The following CNTNAP2 variants were observed in gnomAD, a reference collection of about 807,000 sequenced individuals.
CNTNAP2 encodes the protein contactin associated protein 2.
A neutral mutation model predicts 155.2 loss-of-function variants in CNTNAP2; 98 were observed. That is an observed-to-expected ratio of 0.63 (90% CI 0.54 to 0.75). The LOEUF (loss-of-function observed/expected upper bound fraction) is 0.75, where lower values mean the gene tolerates loss of function less well. Among genes scored for constraint, CNTNAP2 ranks in the 30% least tolerant of loss-of-function variants. The pLI, the probability that CNTNAP2 is intolerant of heterozygous loss-of-function variation, is 0.00. For synonymous variants in CNTNAP2, 651 were observed against 631.2 expected (o/e 1.03, Z -0.47); for missense variants, 1,727 against 1,688.1 (o/e 1.02, Z -0.40).
intron 12 of CNTNAP2, among the ~76,000 whole-genome samples, chr7:147,608,932 G>C (rs1333924719): frequency 6.6e-6 from 1 of 152,100 alleles, no homozygotes; most frequent in Non-Finnish European, 1.5e-5. Context: ...CTCAGTCGGG[G>C]AGCTTCTGAG....
At chr7:147,739,113 C>T (rs993317908) in intron 13 of CNTNAP2, among the ~76,000 whole-genome samples, 4 of 10,610 alleles carry the variant, frequency 3.8e-4, no homozygotes, top group Non-Finnish European at 9.0e-4. Flanking sequence ...AGCTATTAAT[C>T]TCCTGCAAGT....
intron 13 of CNTNAP2, among the ~76,000 whole-genome samples, chr7:147,880,126 G>T (rs1462600833): frequency 6.6e-6 from 1 of 152,240 alleles, no homozygotes; most frequent in Non-Finnish European, 1.5e-5. Context: ...TCTTTGAGAA[G>T]TGGTCAGAAT....
At position 146,780,263 on chromosome 7, in the gene CNTNAP2, GCAAGCT is replaced by G. The variant is rs1446686740; in HGVS notation, c.208+5884_208+5889del. On this transcript the variant is annotated intron_variant, in intron 2 of 23. Coordinates refer to ENST00000361727, the MANE Select transcript of CNTNAP2 (RefSeq NM_014141.6). The stretch of plus-strand genomic sequence containing the variant: ...TGCAGTGGTGCGATCTCGGCTCACT[GCAAGCT>G]CTGCCTCCGAGGTTCATGCCATTCT... 4.0e-5 allele frequency among the ~76,000 whole-genome samples: 6 copies of G among 151,874 alleles called. No homozygotes were observed. The South Asian group carries it at 1.2e-3, about 32-fold the overall frequency.
intron 1 of CNTNAP2, among the ~76,000 whole-genome samples, chr7:146,258,908 A>T (rs1301737787): frequency 2.0e-5 from 3 of 152,198 alleles, no homozygotes; most frequent in African/African-American, 7.2e-5. Flanking sequence ...ATACTGAGTG[A>T]TATGGTTTGG....
intron 8 of CNTNAP2, among the ~76,000 whole-genome samples, chr7:147,159,339 G>T (rs1441189739): frequency 6.6e-6 from 1 of 151,956 alleles, no homozygotes; most frequent in African/African-American, 2.4e-5. Context: ...TAACTTTTAT[G>T]TTTTTAATTT....
intron 9 of CNTNAP2, among the ~76,000 whole-genome samples, chr7:147,344,523 C>T (rs1403708486): frequency 6.6e-6 from 1 of 152,104 alleles, no homozygotes; most frequent in African/African-American, 2.4e-5. Context: ...GCTTGTGTGG[C>T]ACAAGGAATA....
rs896944945 is a variant in CNTNAP2, at chr7:148,373,727, TCA to T, written c.3476-9921_3476-9920del. ...TTTGCTGAAATTTAGATGGCCTCTC[TCA>T]GTGCTCTCCCACCTAGGAGGCTATT... On this transcript the variant is annotated intron_variant, in intron 21 of 23. Coordinates refer to ENST00000361727, the MANE Select transcript of CNTNAP2 (RefSeq NM_014141.6). 5.9e-5 allele frequency among the ~76,000 whole-genome samples: 9 copies of T among 152,350 alleles called. No homozygotes were observed. In the East Asian group the frequency reaches 1.7e-3, roughly 29 times the overall value.
At chr7:148,362,673 C>T (rs532788263) in intron 21 of CNTNAP2, among the ~76,000 whole-genome samples, 113 of 152,334 alleles carry the variant, frequency 7.4e-4, no homozygotes, top group African/African-American at 1.9e-3. Context: ...ACAAGTGTGG[C>T]TCTCTTAACA....
At chr7:146,202,951 A>G (rs1407097113) in intron 1 of CNTNAP2, among the ~76,000 whole-genome samples, 1 of 152,152 alleles carries the variant, frequency 6.6e-6, no homozygotes, top group Non-Finnish European at 1.5e-5. Flanking sequence ...CATCTTAACT[A>G]TTTTGTAAAT....
intron 10 of CNTNAP2, among the ~76,000 whole-genome samples, chr7:147,400,050 C>T (rs1796885152): frequency 6.6e-6 from 1 of 152,206 alleles, no homozygotes; most frequent in Admixed American, 6.5e-5. Context: ...GCATTATTGA[C>T]TGCTTGTGGC....
chr7:147,737,729 C>T (rs1028600060), intron 13 of CNTNAP2, among the ~76,000 whole-genome samples: 10 of 152,176 alleles, frequency 6.6e-5, no homozygotes, highest in Non-Finnish European at 1.2e-4. Flanking sequence ...GGGCACCCCT[C>T]CCCCAGCCTC....
chr7:147,145,796 G>T (rs542362670), intron 8 of CNTNAP2, among the ~76,000 whole-genome samples: 2 of 152,168 alleles, frequency 1.3e-5, no homozygotes, highest in African/African-American at 4.8e-5. Context: ...TGGAAATTTT[G>T]TATTTCAAAG....
At chr7:148,161,524 A>C (rs552918271) in intron 17 of CNTNAP2, among the ~76,000 whole-genome samples, 1 of 152,204 alleles carries the variant, frequency 6.6e-6, no homozygotes, top group South Asian at 2.1e-4. Context: ...TCTTGTTTCC[A>C]GTCCATGTCC....
intron 2 of CNTNAP2, among the ~76,000 whole-genome samples, chr7:146,788,574 C>A (rs1259286674): frequency 6.6e-6 from 1 of 152,176 alleles, no homozygotes; most frequent in African/African-American, 2.4e-5. Flanking sequence ...AAGGATGTTA[C>A]CACTGCCCCC....
At chr7:146,941,055 A>G (rs1165189617) in intron 3 of CNTNAP2, among the ~76,000 whole-genome samples, 4 of 151,992 alleles carry the variant, frequency 2.6e-5, no homozygotes, top group Non-Finnish European at 5.9e-5. Flanking sequence ...CTATTTTTTT[A>G]AACCATTCAG....
intron 3 of CNTNAP2, among the ~76,000 whole-genome samples, chr7:147,002,455 T>C (rs897303204): frequency 1.3e-5 from 2 of 152,082 alleles, no homozygotes; most frequent in African/African-American, 4.8e-5. Context: ...ATCTCCAGTA[T>C]AGAATTCTAT....
intron 1 of CNTNAP2, among the ~76,000 whole-genome samples, chr7:146,754,130 T>C (rs1440827035): frequency 1.3e-5 from 2 of 151,998 alleles, no homozygotes; most frequent in Non-Finnish European, 2.9e-5. Flanking sequence ...TATCTTAATA[T>C]TCTCTTTTGA....
chr7:146,813,361 T>A (rs1195119869), intron 2 of CNTNAP2, among the ~76,000 whole-genome samples: 1 of 152,186 alleles, frequency 6.6e-6, no homozygotes, highest in Non-Finnish European at 1.5e-5. Context: ...AGCCCAACTC[T>A]TGCATCAATG....
chr7:146,345,521 G>A (rs10231672), intron 1 of CNTNAP2, among the ~76,000 whole-genome samples: 18,287 of 152,082 alleles, frequency 0.12, 2,058 homozygotes, highest in African/African-American at 0.3. Context: ...AAAATGCTAC[G>A]CTGAAGAGAG....
Sources: gnomAD v4.1 joint callset for allele counts (sites outside exome capture counted in the v4.1 genomes callset) on GRCh38, gnomAD v4.1.1 for gene constraint, MANE v1.5 for transcripts, NCBI Gene and HGNC (gene_info 2026-07-23, HGNC 2026-07-21) for gene names.